Variants in ATP8A2 observed in about 807,000 individuals in gnomAD.
The protein encoded by ATP8A2 is phospholipid-transporting ATPase IB.
In ATP8A2, 100 loss-of-function variants were observed where a neutral mutation model predicts 165.6. That is an observed-to-expected ratio of 0.60 (90% CI 0.51 to 0.71). ATP8A2 has a LOEUF of 0.71. ATP8A2 is among the 30% of genes least tolerant of loss of function. The probability of loss-of-function intolerance (pLI) is 0.00; values close to 1 mark genes in which losing one functional copy is unlikely to be tolerated. For synonymous variants in ATP8A2, 543 were observed against 548.8 expected (o/e 0.99, Z 0.15); for missense variants, 1,227 against 1,479.5 (o/e 0.83, Z 2.80).
At chr13:25,590,044 A>C (rs936328876) in intron 24 of ATP8A2, among the ~76,000 whole-genome samples, 2 of 152,258 alleles carry the variant, frequency 1.3e-5, no homozygotes, top group African/African-American at 2.4e-5. Flanking sequence ...TAATTTCACT[A>C]TAAGTTACTA....
intron 33 of ATP8A2, among the ~76,000 whole-genome samples, chr13:25,940,952 G>A (rs1003674999): frequency 8.5e-5 from 13 of 152,316 alleles, no homozygotes; most frequent in East Asian, 3.9e-4. Context: ...GGCTGGGCAC[G>A]TGCCATGGTG....
intron 35 of ATP8A2, among the ~76,000 whole-genome samples, chr13:25,981,818 A>C (rs1011620656): frequency 6.6e-6 from 1 of 152,228 alleles, no homozygotes; most frequent in Non-Finnish European, 1.5e-5. Context: ...TTTAGTAAGA[A>C]TAGACATTTT....
chr13:25,904,400 C>T (rs987388489), intron 33 of ATP8A2, among the ~76,000 whole-genome samples: 1 of 152,236 alleles, frequency 6.6e-6, no homozygotes, highest in African/African-American at 2.4e-5. Flanking sequence ...CGACATTCTC[C>T]GTTTCCTCAT....
At chr13:25,513,887 A>G (rs1378456118) in intron 2 of ATP8A2, among the ~76,000 whole-genome samples, 5 of 150,414 alleles carry the variant, frequency 3.3e-5, no homozygotes, top group Non-Finnish European at 7.4e-5. Flanking sequence ...AGGAGGTTGC[A>G]GTGAGCCGAG....
At position 25,621,068 on chromosome 13, in the gene ATP8A2, A is replaced by G. The variant is rs189289328; in HGVS notation, c.2211+31369A>G. On this transcript the variant is annotated intron_variant, in intron 24 of 36. Transcript: ENST00000381655. The stretch of plus-strand genomic sequence containing the variant: ...GTTGGGCCTCCATGGTATCACTCCC[A>G]TGCTGTTGGATTTATTGGTCTAAGT... Among the ~76,000 whole-genome samples, 204 of 152,276 alleles carry G rather than the reference A, an allele frequency of 1.3e-3. 1 individual carries two copies. Among genetic ancestry groups the G allele is most frequent in the African/African-American group, 4.8e-3 (198 of 41,546 alleles).
chr13:25,778,032 C>T (rs2044780989), intron 27 of ATP8A2, among the ~76,000 whole-genome samples: 1 of 152,164 alleles, frequency 6.6e-6, no homozygotes, highest in African/African-American at 2.4e-5. Flanking sequence ...CAACTCATTT[C>T]ACCTGACAGT....
intron 2 of ATP8A2, among the ~76,000 whole-genome samples, chr13:25,472,367 C>T (rs1335369367): frequency 6.9e-6 from 1 of 145,840 alleles, no homozygotes; most frequent in Non-Finnish European, 1.5e-5. Context: ...GCACTCTAGC[C>T]TGGGTGACAG....
chr13:25,989,095 G>A (rs1361950465), intron 35 of ATP8A2, among the ~76,000 whole-genome samples: 1 of 152,216 alleles, frequency 6.6e-6, no homozygotes, highest in African/African-American at 2.4e-5. Flanking sequence ...GTTAATCGGT[G>A]GTGAAGCTCA....
At chr13:25,621,861 C>T (rs1450586456) in intron 24 of ATP8A2, among the ~76,000 whole-genome samples, 1 of 152,080 alleles carries the variant, frequency 6.6e-6, no homozygotes, top group Admixed American at 6.6e-5. Flanking sequence ...ACACCTTGAC[C>T]ATGTATTTAT....
At chr13:25,405,724 T>C (rs114217179) in intron 1 of ATP8A2, among the ~76,000 whole-genome samples, 1,776 of 152,322 alleles carry the variant, frequency 0.012, 41 homozygotes, top group African/African-American at 0.041. Context: ...CTAGATATCA[T>C]GTATTAGAAA....
At chr13:25,519,799 TTGGGTGAATAAACTA>T (rs941400454) in intron 2 of ATP8A2, among the ~76,000 whole-genome samples, 5 of 152,284 alleles carry the variant, frequency 3.3e-5, no homozygotes, top group Non-Finnish European at 7.4e-5. Context: ...GCTTATTTAC[TTGGGTGAATAAACTA>T]TCCTGTTGGG....
chr13:25,533,137 A>G, intron 5 of ATP8A2, 136 bp from the exon 6 acceptor site: 1 of 640,458 alleles, frequency 1.6e-6, no homozygotes, highest in Non-Finnish European at 2.8e-6. Flanking sequence ...GGGGGTGCTG[A>G]TGTTATGCCA....
At chr13:25,913,841 C>G (rs1022440462) in intron 33 of ATP8A2, among the ~76,000 whole-genome samples, 1 of 152,124 alleles carries the variant, frequency 6.6e-6, no homozygotes, top group African/African-American at 2.4e-5. Context: ...AAAGTGTATC[C>G]TTTAGCAGGA....
At chr13:25,489,730 T>G (rs777821882) in intron 2 of ATP8A2, among the ~76,000 whole-genome samples, 4 of 152,246 alleles carry the variant, frequency 2.6e-5, no homozygotes, top group Admixed American at 6.5e-5. Context: ...ACTTAATTGC[T>G]TATTGAACAA....
At chr13:25,506,519 A>G (rs2037041619) in intron 2 of ATP8A2, among the ~76,000 whole-genome samples, 1 of 152,214 alleles carries the variant, frequency 6.6e-6, no homozygotes, top group Non-Finnish European at 1.5e-5. Flanking sequence ...TTTGTTCCAG[A>G]TGTACCCATT....
At chr13:25,607,094 G>T (rs529145259) in intron 24 of ATP8A2, among the ~76,000 whole-genome samples, 3 of 152,118 alleles carry the variant, frequency 2.0e-5, no homozygotes, top group Non-Finnish European at 4.4e-5. Flanking sequence ...TGTAAACTGG[G>T]CATGTGAGGG....
intron 2 of ATP8A2, among the ~76,000 whole-genome samples, chr13:25,514,345 C>T (rs1476330819): frequency 1.3e-5 from 2 of 152,188 alleles, no homozygotes; most frequent in Admixed American, 1.3e-4. Flanking sequence ...CCTCAGGTCT[C>T]CCCTTTCTTC....
chr13:25,392,588 T>C (rs1470281261), intron 1 of ATP8A2, among the ~76,000 whole-genome samples: 1 of 152,200 alleles, frequency 6.6e-6, no homozygotes, highest in Non-Finnish European at 1.5e-5. Context: ...GAAAACAAAC[T>C]GTAACTAATT....
At chr13:25,755,125 G>A (rs2044233845) in intron 25 of ATP8A2, among the ~76,000 whole-genome samples, 1 of 152,162 alleles carries the variant, frequency 6.6e-6, no homozygotes, top group East Asian at 1.9e-4. Context: ...GCATGTATTC[G>A]TATGTTTGTA....
Sources: allele counts gnomAD v4.1 joint callset (sites outside exome capture counted in the v4.1 genomes callset), GRCh38; gene constraint gnomAD v4.1.1; transcripts MANE v1.5; gene names NCBI Gene and HGNC (gene_info 2026-07-23, HGNC 2026-07-21).